Variants in FAM53A observed in about 807,000 individuals in gnomAD.
FAM53A encodes the protein family with sequence similarity 53 member A, also known as protein FAM53A.
Under a neutral mutation model 26.6 loss-of-function variants are expected in FAM53A, and 28 were observed. The observed-to-expected ratio is 1.05, with a 90% CI of 0.78 to 1.45. The LOEUF (loss-of-function observed/expected upper bound fraction) is 1.45. FAM53A is among the 40% of genes most tolerant of loss of function. The pLI, the probability that FAM53A is intolerant of heterozygous loss-of-function variation, is 0.00. For synonymous variants in FAM53A, 290 were observed against 253.1 expected (o/e 1.15, Z -1.38); for missense variants, 650 against 575.8 (o/e 1.13, Z -1.32).
intron 1 of FAM53A, among the ~76,000 whole-genome samples, chr4:1,678,657 A>C (rs1044393886): frequency 2.6e-5 from 4 of 152,178 alleles, no homozygotes; most frequent in Non-Finnish European, 4.4e-5. Flanking sequence ...CCCCACCTCT[A>C]CTAAAACTAT....
intron 1 of FAM53A, among the ~76,000 whole-genome samples, chr4:1,622,985 T>C (rs1217063696): frequency 6.6e-6 from 1 of 152,192 alleles, no homozygotes; most frequent in East Asian, 1.9e-4. Context: ...GGAGGCAACC[T>C]ACGATCGCTC....
the FAM53A span, among the ~76,000 whole-genome samples, chr4:1,578,334 G>A: frequency 6.6e-6 from 1 of 152,210 alleles, no homozygotes; most frequent in Non-Finnish European, 1.5e-5. Flanking sequence ...CGGGTGGCCT[G>A]CACCCCGTCT....
At chr4:1,592,932 G>A in the FAM53A span, among the ~76,000 whole-genome samples, 1 of 152,102 alleles carries the variant, frequency 6.6e-6, no homozygotes, top group Non-Finnish European at 1.5e-5. Context: ...GGGGCCCGGG[G>A]CCGCTCACAC....
At chr4:1,627,346 C>T (rs1458304795) in intron 1 of FAM53A, among the ~76,000 whole-genome samples, 12 of 152,334 alleles carry the variant, frequency 7.9e-5, no homozygotes, top group East Asian at 5.8e-4. Context: ...GAGTAGCTCA[C>T]GCCCTCGGGT....
chr4:1,649,753 G>A (rs116357815), intron 4 of FAM53A, among the ~76,000 whole-genome samples: 1,669 of 152,362 alleles, frequency 0.011, 29 homozygotes, highest in African/African-American at 0.038. Flanking sequence ...CTGGCTGACT[G>A]AGCTCCAAGG....
At chr4:1,642,371 A>G (rs371266966) in intron 4 of FAM53A, among the ~76,000 whole-genome samples, 89 of 152,134 alleles carry the variant, frequency 5.9e-4, no homozygotes, top group African/African-American at 2.1e-3. Flanking sequence ...CAGGTCCCTG[A>G]GTGCCAGGCT....
At chr4:1,679,229 C>T (rs947854227) in intron 1 of FAM53A, among the ~76,000 whole-genome samples, 1 of 150,446 alleles carries the variant, frequency 6.6e-6, no homozygotes, top group African/African-American at 2.4e-5. Context: ...TACCAAAAAA[C>T]TACAAAAATT....
chr4:1,626,554 C>T lies in FAM53A; in HGVS notation c.432-8443G>A, dbSNP rs372418561. 8.1e-5 allele frequency among the ~76,000 whole-genome samples: 12 copies of T among 148,592 alleles called. No homozygotes were observed. In the East Asian group the frequency reaches 1.8e-3, roughly 22 times the overall value. Reference sequence around the variant, plus strand: ...CTCAGCCACAGCCATGCCCTGAGCCCGGGGGGACCCGGGGAGGACCTGGGA... The same window carrying T: ...CTCAGCCACAGCCATGCCCTGAGCCTGGGGGGACCCGGGGAGGACCTGGGA... On this transcript the variant is annotated intron_variant, in intron 1 of 1. Coordinates refer to the FAM53A transcript ENST00000489029.
intron 1 of FAM53A, among the ~76,000 whole-genome samples, chr4:1,623,087 T>C (rs866310077): frequency 2.6e-5 from 4 of 152,198 alleles, no homozygotes; most frequent in Non-Finnish European, 5.9e-5. Context: ...TGCCTCCCAC[T>C]GTGGCCACCA....
At chr4:1,586,072 G>A in the FAM53A span, among the ~76,000 whole-genome samples, 2 of 152,192 alleles carry the variant, frequency 1.3e-5, no homozygotes, top group African/African-American at 4.8e-5. Flanking sequence ...ACTCAATTGT[G>A]TATATAGACC....
At chr4:1,651,099 C>T (rs1324742166) in intron 4 of FAM53A, among the ~76,000 whole-genome samples, 2 of 151,504 alleles carry the variant, frequency 1.3e-5, no homozygotes, top group African/African-American at 2.4e-5. Context: ...CACCTATAAT[C>T]CCAGCTACTC....
In FAM53A at chr4:1,681,523, C is replaced by CTT. The variant is rs36047639; in HGVS notation, c.-165+2708_-165+2709dup. Among the ~76,000 whole-genome samples, 580 of 139,332 alleles carry CTT rather than the reference C, an allele frequency of 4.2e-3. 15 individuals are homozygous for CTT. The South Asian group carries it at 0.068, about 16-fold the overall frequency. 91.4% of individuals were successfully genotyped at this position (139,332 alleles called of 152,430 possible). On this transcript the variant is annotated intron_variant, in intron 1 of 4. Coordinates refer to ENST00000308132, the MANE Select transcript of FAM53A (RefSeq NM_001174070.3). ...CCAACAAAGGAGAAGAAACTCAAAT[C>CTT]TTTTTTTTTTTTTTTTGACATGAAG... is the stretch of plus-strand genomic sequence containing the variant.
intron 4 of FAM53A, chr4:1,644,038 G>T: frequency 9.8e-7 from 1 of 1,021,286 alleles, no homozygotes; most frequent in Non-Finnish European, 1.4e-6. Context: ...CTGCTGGATG[G>T]CGTGGAGGTC....
the FAM53A span, among the ~76,000 whole-genome samples, chr4:1,597,497 C>G: frequency 6.6e-6 from 1 of 152,240 alleles, no homozygotes; most frequent in Non-Finnish European, 1.5e-5. Context: ...GAGAGCCACA[C>G]ACCCCACACA....
chr4:1,618,687 G>A (rs893402957), intron 1 of FAM53A, among the ~76,000 whole-genome samples: 3 of 152,164 alleles, frequency 2.0e-5, no homozygotes, highest in African/African-American at 2.4e-5. Flanking sequence ...CCATGCCGCC[G>A]GCCTCCCAGG....
chr4:1,634,158 GT>G (rs1319726056), intron 1 of FAM53A, among the ~76,000 whole-genome samples: 1 of 152,198 alleles, frequency 6.6e-6, no homozygotes, highest in Non-Finnish European at 1.5e-5. Flanking sequence ...GGAGCCCACA[GT>G]GGACTCTGCC....
At chr4:1,615,831 G>A (rs966363079), downstream of FAM53A, among the ~76,000 whole-genome samples, 1 of 152,244 alleles carries the variant, frequency 6.6e-6, no homozygotes, top group African/African-American at 2.4e-5. Flanking sequence ...CACAGATGAA[G>A]GACCATGCAC....
chr4:1,579,922 T>C, the FAM53A span, among the ~76,000 whole-genome samples: 2 of 152,190 alleles, frequency 1.3e-5, no homozygotes, highest in Non-Finnish European at 2.9e-5. Flanking sequence ...AGATATTGAC[T>C]CGAAGGAGAA....
At chr4:1,610,703 C>T in the FAM53A span, among the ~76,000 whole-genome samples, 8 of 152,080 alleles carry the variant, frequency 5.3e-5, no homozygotes, top group East Asian at 1.4e-3. Context: ...GCTGGGCAGG[C>T]GGCTGAGGTG....
Sources: allele counts gnomAD v4.1 joint callset (sites outside exome capture counted in the v4.1 genomes callset), GRCh38; gene constraint gnomAD v4.1.1; transcripts MANE v1.5; gene names NCBI Gene and HGNC (gene_info 2026-07-23, HGNC 2026-07-21).